TTLL7: variants seen among roughly 807,000 people sequenced by gnomAD.
The protein encoded by TTLL7 is tubulin polyglutamylase TTLL7.
Under a neutral mutation model 120.2 loss-of-function variants are expected in TTLL7, and 53 were observed. The ratio of observed to expected loss-of-function variants is 0.44; its 90% CI spans 0.35 to 0.55. The LOEUF is 0.55. Ranked by LOEUF, TTLL7 falls within the 20% of genes least tolerant of loss-of-function variation. TTLL7 has a pLI of 0.00. For missense variants in TTLL7, 803 were observed against 1,054.7 expected (o/e 0.76, Z 3.31); for synonymous variants, 353 against 351.7 (o/e 1.00, Z -0.04).
chr1:83,934,159 T>C (rs919103717), intron 8 of TTLL7, among the ~76,000 whole-genome samples: 3 of 152,200 alleles, frequency 2.0e-5, no homozygotes, highest in Admixed American at 2.0e-4. Context: ...TATTTTTCTT[T>C]TTACATTAGA....
chr1:83,930,241 T>G (rs926823319), intron 9 of TTLL7, among the ~76,000 whole-genome samples: 1 of 152,170 alleles, frequency 6.6e-6, no homozygotes, highest in African/African-American at 2.4e-5. Flanking sequence ...ACCTTCCAAA[T>G]GCATGTCTAT....
chr1:83,975,467 A>T (rs1159138640), intron 1 of TTLL7, among the ~76,000 whole-genome samples: 1 of 152,084 alleles, frequency 6.6e-6, no homozygotes, highest in East Asian at 1.9e-4. Flanking sequence ...TCAAAGACTT[A>T]GACAGATCTG....
Position 83,921,147 on chromosome 1 carries a change from G to A in TTLL7, c.1304C>T (p.Ala435Val), listed in dbSNP as rs1233822345. 1 of 1,612,918 alleles carries A rather than the reference G, an allele frequency of 6.2e-7. No homozygotes were observed. The highest frequency in any genetic ancestry group is 8.5e-7 in the Non-Finnish European group (1 of 1,179,550). Reference sequence around the variant, plus strand: ...TCGTGAGATCTGCTTTCGTACTTGAGCGAGTCTCTCTTTCTGGAAATGAGA... The same window carrying A: ...TCGTGAGATCTGCTTTCGTACTTGAACGAGTCTCTCTTTCTGGAAATGAGA... ...RRKEELKERL[A>V]QVRKQISREE... The change falls in exon 12 of 21, where the codon GCT becomes GTT. Residue 435 changes from alanine (A) to valine (V), a missense_variant. Coordinates refer to ENST00000260505, the MANE Select transcript of TTLL7 (RefSeq NM_024686.6).
At chr1:83,895,548 A>T (rs954932250) in intron 18 of TTLL7, among the ~76,000 whole-genome samples, 1 of 152,102 alleles carries the variant, frequency 6.6e-6, no homozygotes, top group Admixed American at 6.6e-5. Flanking sequence ...AGACAAAATC[A>T]ATACATAACT....
At chr1:83,884,368 C>T (rs1654787534) in intron 19 of TTLL7, among the ~76,000 whole-genome samples, 1 of 151,718 alleles carries the variant, frequency 6.6e-6, no homozygotes, top group South Asian at 2.1e-4. Context: ...AAAGACTCCA[C>T]TTTCAACCTT....
At position 83,869,879 on chromosome 1, in the gene TTLL7, G is replaced by A; in HGVS notation, c.*83C>T. ...TTATATACATAAAACAGCACTTAAT[G>A]GTCATGTTCTTTGCATGTTCAACTT... is the stretch of plus-strand genomic sequence containing the variant. On this transcript the variant is annotated 3_prime_UTR_variant, in exon 21 of 21. Transcript: ENST00000260505. 1 of 1,521,662 alleles carries A rather than the reference G, an allele frequency of 6.6e-7. No homozygotes were observed. The highest frequency in any genetic ancestry group is 8.9e-7 in the Non-Finnish European group (1 of 1,127,410). 94.3% of individuals were successfully genotyped at this position (1,521,662 alleles called of 1,614,324 possible).
At chr1:83,950,500 A>G (rs1648944051) in intron 3 of TTLL7, among the ~76,000 whole-genome samples, 1 of 152,102 alleles carries the variant, frequency 6.6e-6, no homozygotes, top group Non-Finnish European at 1.5e-5. Context: ...TTCACAGGAG[A>G]GATTTGGTTT....
chr1:83,890,293 C>A, intron 19 of TTLL7, 28 bp downstream of exon 19: 2 of 1,569,504 alleles, frequency 1.3e-6, no homozygotes, highest in Non-Finnish European at 1.7e-6. Context: ...TTAAAAATGA[C>A]GATAATAAAA....
chr1:83,932,215 T>C (rs1387138377), intron 9 of TTLL7, among the ~76,000 whole-genome samples: 1 of 152,202 alleles, frequency 6.6e-6, no homozygotes, highest in Middle Eastern at 3.2e-3. Context: ...TATTTCCTAC[T>C]ATCCTCCTTA....
chr1:83,883,014 G>C lies in TTLL7; in HGVS notation c.2492C>G (p.Thr831Ser). ...QCLLVVYKYA[T>S]DKRGSLSGIG... ...GCCTGAAAGTGATCCTCTTTTGTCA[G>C]TTGCATATTTGTAAACCACTAGCAG... Residue 831 changes from threonine (T) to serine (S), a missense_variant, in exon 20 of 21, where the codon ACT becomes AGT. Coordinates refer to ENST00000260505, the MANE Select transcript of TTLL7 (RefSeq NM_024686.6). The C allele has an allele frequency of 1.9e-6, 3 of 1,612,712 alleles. No homozygotes were observed. Among genetic ancestry groups the C allele is most frequent in the Non-Finnish European group, 2.5e-6 (3 of 1,179,186 alleles).
intron 1 of TTLL7, among the ~76,000 whole-genome samples, chr1:83,986,578 C>T (rs1652464849): frequency 6.6e-6 from 1 of 152,212 alleles, no homozygotes; most frequent in Non-Finnish European, 1.5e-5. Flanking sequence ...GGCATGGTGG[C>T]TCACGCCTGT....
At chr1:83,953,616 A>G (rs1649260551) in intron 1 of TTLL7, among the ~76,000 whole-genome samples, 1 of 152,154 alleles carries the variant, frequency 6.6e-6, no homozygotes, top group African/African-American at 2.4e-5. Flanking sequence ...TAGGCATTTT[A>G]TTAAGCATTT....
intron 18 of TTLL7, among the ~76,000 whole-genome samples, chr1:83,895,203 G>A: frequency 6.6e-6 from 1 of 151,956 alleles, no homozygotes; most frequent in East Asian, 1.9e-4. Flanking sequence ...CATATAAAGG[G>A]AGTAAACTGT....
chr1:83,932,866 G>A (rs1659722027), intron 9 of TTLL7, among the ~76,000 whole-genome samples: 1 of 152,100 alleles, frequency 6.6e-6, no homozygotes, highest in Non-Finnish European at 1.5e-5. Context: ...GAGCTTAAAG[G>A]GAACTGCTGG....
At position 83,867,911 on chromosome 1, in the gene TTLL7, T is replaced by C. The variant is rs1232544733; in HGVS notation, c.*2051A>G. On this transcript the variant is annotated 3_prime_UTR_variant, in exon 21 of 21. Transcript: ENST00000260505. ...ATTCACAAAATGGAGTCATAAACAGTGTAGTCACTGTAATTTCCTTCATTC... is the reference window on the plus strand; with the variant it reads ...ATTCACAAAATGGAGTCATAAACAGCGTAGTCACTGTAATTTCCTTCATTC... 1 of 152,138 alleles carries C rather than the reference T, an allele frequency of 6.6e-6. No homozygotes were observed. Among genetic ancestry groups the C allele is most frequent in the Admixed American group, 6.5e-5 (1 of 15,272 alleles). The allele number at this position is 152,138 out of a possible 1,614,324, so 9.4% of individuals were successfully genotyped here. A position where few individuals can be genotyped will look rare whatever the true frequency, so the allele number is the denominator to read the frequency against.
chr1:83,989,918 T>C (rs547007213), intron 1 of TTLL7, among the ~76,000 whole-genome samples: 2 of 152,294 alleles, frequency 1.3e-5, no homozygotes, highest in Non-Finnish European at 2.9e-5. Context: ...TTGGTTGTTG[T>C]TGTTATTATT....
At position 83,976,025 on chromosome 1, in the gene TTLL7, G is replaced by GTCTCTCTC. The variant is rs151019525; in HGVS notation, c.-177+22898_-177+22905dup. ...TCTAAGTACTGTGTCCTGAAATTTT[G>GTCTCTCTC]TCTCTCTCTGTGTGTGTGTGTGTGT... is the stretch of plus-strand genomic sequence containing the variant. On this transcript the variant is annotated intron_variant, in intron 1 of 20. Coordinates refer to ENST00000260505, the MANE Select transcript of TTLL7 (RefSeq NM_024686.6). Among the ~76,000 whole-genome samples, 477 of 91,808 alleles carry GTCTCTCTC rather than the reference G, an allele frequency of 5.2e-3. 5 individuals carry two copies. The highest frequency in any genetic ancestry group is 0.018 in the Middle Eastern group (4 of 228). 60.2% of individuals were successfully genotyped at this position (91,808 alleles called of 152,430 possible). A position where few individuals can be genotyped will look rare whatever the true frequency, so the allele number is the denominator to read the frequency against.
At chr1:83,986,574 G>T (rs1652464573) in intron 1 of TTLL7, among the ~76,000 whole-genome samples, 1 of 152,210 alleles carries the variant, frequency 6.6e-6, no homozygotes, top group Non-Finnish European at 1.5e-5. Context: ...GCCAGGCATG[G>T]TGGCTCACGC....
Position 83,949,315 on chromosome 1 carries a change from G to GT in TTLL7, c.279+549dup, listed in dbSNP as rs755429825. The GT allele has an allele frequency of 6.1e-3, 850 of 138,836 alleles. 4 individuals are homozygous for GT. Among genetic ancestry groups the GT allele is most frequent in the African/African-American group, 0.019 (667 of 35,726 alleles). 8.6% of individuals were successfully genotyped at this position (138,836 alleles called of 1,614,324 possible). A position where few individuals can be genotyped will look rare whatever the true frequency, so the allele number is the denominator to read the frequency against. On this transcript the variant is annotated intron_variant, in intron 4 of 20. Transcript: ENST00000260505. The stretch of plus-strand genomic sequence containing the variant: ...TAGGAAGAGGTGTTTTTTTTGTTTT[G>GT]TTTTTTTTTTTGGTGGTTGTTGTTT...
Sources: gnomAD v4.1 joint callset for allele counts (sites outside exome capture counted in the v4.1 genomes callset) on GRCh38, gnomAD v4.1.1 for gene constraint, MANE v1.5 for transcripts, NCBI Gene and HGNC (gene_info 2026-07-23, HGNC 2026-07-21) for gene names.